Variants in MPHOSPH9 observed in about 807,000 individuals in gnomAD.
MPHOSPH9 encodes the protein M-phase phosphoprotein 9.
Under a neutral mutation model 145.5 loss-of-function variants are expected in MPHOSPH9, and 88 were observed. The ratio of observed to expected loss-of-function variants is 0.60; its 90% CI spans 0.51 to 0.72. The LOEUF (loss-of-function observed/expected upper bound fraction) is 0.72. Among genes scored for constraint, MPHOSPH9 ranks in the 30% least tolerant of loss-of-function variants. The pLI, the probability that MPHOSPH9 is intolerant of heterozygous loss-of-function variation, is 0.00. For synonymous variants in MPHOSPH9, 435 were observed against 486.2 expected, an observed-to-expected ratio of 0.89 and a Z score of 1.39; for missense variants, 1,238 against 1,386.6, an observed-to-expected ratio of 0.89 and a Z score of 1.70.
chr12:123,161,168 A>G lies in MPHOSPH9; in HGVS notation c.3349T>C (p.Phe1117Leu), dbSNP rs745568285. 1 of 1,614,020 alleles carries G rather than the reference A, an allele frequency of 6.2e-7. No individual in the cohort carries two copies. The highest frequency in any genetic ancestry group is 8.5e-7 in the Non-Finnish European group (1 of 1,179,988). The change falls in exon 22 of 24, where the codon TTT (phenylalanine) becomes CTT (leucine). Residue 1117 changes from phenylalanine (F) to leucine (L), a missense_variant. By Grantham distance (22) the Phe-to-Leu change is conservative. Around this residue, in one of 3 missense-constraint regions of MPHOSPH9, gnomAD observed 393 missense variants for 462.5 expected, o/e 0.85. Transcript: ENST00000606320. ...KIRTLAETERFFDELTKEKDQ... is the reference protein window; with the variant it reads ...KIRTLAETERLFDELTKEKDQ... The stretch of plus-strand genomic sequence containing the variant: ...TTTTCTTTTGTAAGTTCATCAAAAA[A>G]TCGTTCTGTTTCAGCTAGGGTCCGA...
intron 8 of MPHOSPH9, among the ~76,000 whole-genome samples, chr12:123,208,180 C>T (rs1279531530): frequency 2.2e-4 from 27 of 123,034 alleles, no homozygotes; most frequent in African/African-American, 8.5e-4. Flanking sequence ...CAGACTGAGA[C>T]TCCGTCTCAA....
chr12:123,201,863 C>A (rs1482694522), intron 11 of MPHOSPH9, among the ~76,000 whole-genome samples: 1 of 152,138 alleles, frequency 6.6e-6, no homozygotes, highest in Non-Finnish European at 1.5e-5. Context: ...AGAACTGCCA[C>A]AGGACATAAG....
Position 123,164,066 on chromosome 12 carries a change from G to T in MPHOSPH9, c.2792C>A (p.Ser931Ter), listed in dbSNP as rs752914301. The change falls in exon 19 of 24, where the codon TCA becomes TAA. Residue 931 changes from serine (S) to a stop codon, truncating the protein, a stop_gained. Coordinates refer to ENST00000606320, the MANE Select transcript of MPHOSPH9 (RefSeq NM_022782.4). LOFTEE classifies it high-confidence loss of function. ...SNINPRQTET[S>*]VNASRSPEKC... ...TTCTGGAGAACGACTTGCATTAACTGAAGTTTCAGTTTGCCGAGGATTTAC... is the reference window on the plus strand; with the variant it reads ...TTCTGGAGAACGACTTGCATTAACTTAAGTTTCAGTTTGCCGAGGATTTAC... The T allele has an allele frequency of 6.2e-7, 1 of 1,614,082 alleles. No individual in the cohort carries two copies. Among genetic ancestry groups the T allele is most frequent in the African/African-American group, 1.3e-5 (1 of 75,024 alleles).
At chr12:123,210,734 A>G (rs745962532) in intron 7 of MPHOSPH9, among the ~76,000 whole-genome samples, 1 of 151,106 alleles carries the variant, frequency 6.6e-6, no homozygotes, top group African/African-American at 2.4e-5. Flanking sequence ...AAATTTTTTT[A>G]TTTTTTGAGA....
intron 16 of MPHOSPH9, among the ~76,000 whole-genome samples, chr12:123,171,861 T>C (rs1009159998): frequency 2.0e-5 from 3 of 152,228 alleles, no homozygotes; most frequent in African/African-American, 7.2e-5. Context: ...CTTGGTTATA[T>C]ATTCTTTAAA....
Position 123,230,519 on chromosome 12 carries a change from G to A in MPHOSPH9, c.-155C>T. On this transcript the variant is annotated 5_prime_UTR_variant, in exon 2 of 24. Coordinates refer to ENST00000606320, the MANE Select transcript of MPHOSPH9 (RefSeq NM_022782.4). ...TGTGAAATATCCTAAACTTCCAAGAGAGTCTGAAAATGAATGGGGGAAAAA... is the reference window on the plus strand; with the variant it reads ...TGTGAAATATCCTAAACTTCCAAGAAAGTCTGAAAATGAATGGGGGAAAAA... 1 of 468,380 alleles carries A rather than the reference G, an allele frequency of 2.1e-6. No individual in the cohort carries two copies. The allele number at this position is 468,380 out of a possible 1,614,324, so 29.0% of individuals were successfully genotyped here. A position where few individuals can be genotyped will look rare whatever the true frequency, so the allele number is the denominator to read the frequency against.
At chr12:123,209,058 G>A (rs543595099) in intron 8 of MPHOSPH9, among the ~76,000 whole-genome samples, 1 of 151,512 alleles carries the variant, frequency 6.6e-6, no homozygotes, top group Admixed American at 6.6e-5. Context: ...TCAGCCACCT[G>A]AGCAGCTGGG....
chr12:123,219,477 C>T lies in MPHOSPH9; in HGVS notation c.873-978G>A, dbSNP rs917857229. ...CTGAGGCAGGAGAATGGCGTGAACC[C>T]GGGAGGCAGAGCTTGCAGTGAGCCG... On this transcript the variant is annotated intron_variant, in intron 5 of 23. Coordinates refer to ENST00000606320, the MANE Select transcript of MPHOSPH9 (RefSeq NM_022782.4). Among the ~76,000 whole-genome samples, 4 of 145,576 alleles carry T rather than the reference C, an allele frequency of 2.7e-5. No individual in the cohort carries two copies. In the East Asian group the frequency reaches 6.3e-4, roughly 23 times the overall value.
chr12:123,234,619 A>T (rs2047807347), upstream of MPHOSPH9, among the ~76,000 whole-genome samples: 6 of 152,228 alleles, frequency 3.9e-5, no homozygotes, highest in Admixed American at 3.9e-4. Flanking sequence ...CTGGTCTCGA[A>T]TTCCTGACCT....
intron 13 of MPHOSPH9, among the ~76,000 whole-genome samples, chr12:123,192,427 G>A (rs1239893780): frequency 4.7e-5 from 7 of 149,140 alleles, no homozygotes; most frequent in Admixed American, 1.3e-4. Context: ...GCACTCCAGC[G>A]TGGGCAACCA....
rs1374144467 is a variant in MPHOSPH9 at position 123,179,952 on chromosome 12, T to A, written c.2328A>T (p.Ala776=). 1 of 1,459,834 alleles carries A rather than the reference T, an allele frequency of 6.9e-7. No homozygotes were observed. Among genetic ancestry groups the A allele is most frequent in the Non-Finnish European group, 9.3e-7 (1 of 1,080,448 alleles). 90.4% of individuals were successfully genotyped at this position (1,459,834 alleles called of 1,614,324 possible). A position where few individuals can be genotyped will look rare whatever the true frequency, so the allele number is the denominator to read the frequency against. ...TTTTCAAATCAGAAATCTGAGTATA[T>A]GCATCAAGCAATTTGTTCTCAGTTG... ...LNTTENKLLD[A]YTQISDLKRM... The change falls in exon 15 of 24, where the codon GCA becomes GCT. Residue 776 remains alanine, a synonymous_variant. Coordinates refer to ENST00000606320, the MANE Select transcript of MPHOSPH9 (RefSeq NM_022782.4).
chr12:123,154,992 T>TA lies in MPHOSPH9; in HGVS notation c.*1814dup, dbSNP rs67657805. The TA allele has an allele frequency of 0.65, 89,260 of 137,346 alleles. 31,782 individuals carry two copies. Among genetic ancestry groups the TA allele is most frequent in the East Asian group, 0.96 (4,576 of 4,752 alleles). 8.5% of individuals were successfully genotyped at this position (137,346 alleles called of 1,614,324 possible). A position where few individuals can be genotyped will look rare whatever the true frequency, so the allele number is the denominator to read the frequency against. On this transcript the variant is annotated 3_prime_UTR_variant, in exon 24 of 24. Transcript: ENST00000606320. Reference sequence around the variant, plus strand: ...CAATATGGTGAAACACCATCTCTACTAAAAAAAAAAAAAAGATATATACAT... The same window carrying TA: ...CAATATGGTGAAACACCATCTCTACTAAAAAAAAAAAAAAAGATATATACAT...
At chr12:123,214,593 A>G in intron 7 of MPHOSPH9, 151 bp downstream of exon 7, 1 of 614,906 alleles carries the variant, frequency 1.6e-6, no homozygotes, top group African/African-American at 1.9e-5. Flanking sequence ...AACACATAAC[A>G]CATTTACAAA....
intron 14 of MPHOSPH9, 106 bp downstream of exon 14, chr12:123,181,054 ACGG>A (rs2045111196): frequency 1.0e-6 from 1 of 972,518 alleles, no homozygotes; most frequent in Non-Finnish European, 1.6e-6. Context: ...TTCAACAGCT[ACGG>A]AGGTTCAGGA....
chr12:123,209,249 A>G (rs987655159), intron 8 of MPHOSPH9, among the ~76,000 whole-genome samples: 4 of 152,116 alleles, frequency 2.6e-5, no homozygotes, highest in African/African-American at 7.2e-5. Context: ...TCCACTTTTA[A>G]GAAGCATTGC....
At chr12:123,216,270 T>G (rs995608514) in intron 6 of MPHOSPH9, among the ~76,000 whole-genome samples, 2 of 152,144 alleles carry the variant, frequency 1.3e-5, no homozygotes, top group African/African-American at 4.8e-5. Context: ...AATATAAATC[T>G]GAAAAAGTAC....
rs573730317 is a variant in MPHOSPH9 at position 123,209,768 on chromosome 12, G to A, written c.1194+288C>T. Among the ~76,000 whole-genome samples the A allele has an allele frequency of 9.4e-5, 11 of 116,928 alleles. No individual in the cohort carries two copies. In the East Asian group the frequency reaches 3.1e-3, roughly 33 times the overall value. 76.7% of individuals were successfully genotyped at this position (116,928 alleles called of 152,430 possible). ...TTTTTTTTTTTTGAGATGGAGTCTT[G>A]CTCTGTCACCCAGGCTGGAGTGCAG... On this transcript the variant is annotated intron_variant, in intron 8 of 23. Transcript: ENST00000606320.
chr12:123,201,103 A>AC (rs1162563082), intron 11 of MPHOSPH9, among the ~76,000 whole-genome samples: 1 of 152,084 alleles, frequency 6.6e-6, no homozygotes, highest in Non-Finnish European at 1.5e-5. Context: ...CTACCATTGT[A>AC]CCCCCACACT....
rs1360040930 is a variant in MPHOSPH9, at chr12:123,210,178, A to G, written c.1088-16T>C. ...TAAGTCAATCCTGATGTGCACAAAC[A>G]CACAGAATAGAAAAGAGTGAGAAAA... On this transcript the variant is annotated splice_polypyrimidine_tract_variant and intron_variant, in intron 7 of 23. Transcript: ENST00000606320. 2 of 1,449,160 alleles carry G rather than the reference A, an allele frequency of 1.4e-6. No individual in the cohort carries two copies. Among genetic ancestry groups the G allele is most frequent in the Non-Finnish European group, 9.4e-7 (1 of 1,060,606 alleles). The allele number at this position is 1,449,160 out of a possible 1,614,324, so 89.8% of individuals were successfully genotyped here. A position where few individuals can be genotyped will look rare whatever the true frequency, so the allele number is the denominator to read the frequency against.
Sources: allele counts gnomAD v4.1 joint callset (sites outside exome capture counted in the v4.1 genomes callset), GRCh38; gene constraint gnomAD v4.1.1; regional missense constraint gnomAD v4.1.1; transcripts MANE v1.5; gene names NCBI Gene and HGNC (gene_info 2026-07-23, HGNC 2026-07-21).